The following PIGB variants were observed in gnomAD, a reference collection of about 807,000 sequenced individuals.
PIGB encodes GPI alpha-1,2-mannosyltransferase 3.
In PIGB, 58 loss-of-function variants were observed where a neutral mutation model predicts 68.4. The observed-to-expected ratio is 0.85, with a 90% CI of 0.69 to 1.06. The LOEUF (loss-of-function observed/expected upper bound fraction) is 1.06, where lower values mean the gene tolerates loss of function less well. PIGB is among the 50% of genes least tolerant of loss of function. The pLI is 0.00. For missense variants in PIGB, 634 were observed against 655.8 expected (o/e 0.97, Z 0.36); for synonymous variants, 219 against 220.5 (o/e 0.99, Z 0.06).
chr15:55,333,439 A>T (rs2055464575), intron 5 of PIGB, among the ~76,000 whole-genome samples: 1 of 151,786 alleles, frequency 6.6e-6, no homozygotes, highest in South Asian at 2.1e-4. Flanking sequence ...CCCACTAAAA[A>T]TACAAAAAAT....
chr15:55,329,221 T>C (rs931228194), intron 4 of PIGB, among the ~76,000 whole-genome samples: 19 of 152,244 alleles, frequency 1.2e-4, no homozygotes, highest in African/African-American at 4.6e-4. Flanking sequence ...TCCTGACTTT[T>C]TTTTCCTCTT....
intron 5 of PIGB, among the ~76,000 whole-genome samples, chr15:55,331,605 C>T (rs891554163): frequency 6.6e-6 from 1 of 151,884 alleles, no homozygotes; most frequent in East Asian, 1.9e-4. Context: ...CCCAGCTACT[C>T]GGGAGGATGA....
intron 5 of PIGB, among the ~76,000 whole-genome samples, chr15:55,331,707 G>A (rs2055419458): frequency 6.6e-6 from 1 of 151,208 alleles, no homozygotes; most frequent in Non-Finnish European, 1.5e-5. Flanking sequence ...GAGCAAAACT[G>A]TCTCAAAAAA....
intron 3 of PIGB, among the ~76,000 whole-genome samples, chr15:55,325,054 C>T (rs1471305288): frequency 2.0e-5 from 3 of 152,108 alleles, no homozygotes; most frequent in East Asian, 1.9e-4. Context: ...ACAGCCGGCG[C>T]GGTGGATCAC....
At chr15:55,322,313 C>T (rs1396785089) in intron 3 of PIGB, among the ~76,000 whole-genome samples, 1 of 152,178 alleles carries the variant, frequency 6.6e-6, no homozygotes, top group Non-Finnish European at 1.5e-5. Context: ...GAAATTAAAA[C>T]TTTAAAATTT....
intron 10 of PIGB, among the ~76,000 whole-genome samples, chr15:55,353,596 T>A (rs764385693): frequency 2.6e-5 from 4 of 152,150 alleles, no homozygotes; most frequent in African/African-American, 4.8e-5. Context: ...CCATCTTTTT[T>A]ATACTCTAAT....
chr15:55,333,736 A>C (rs2055474096), intron 5 of PIGB, 131 bp from the exon 6 acceptor site: 3 of 603,556 alleles, frequency 5.0e-6, no homozygotes, highest in Non-Finnish European at 8.0e-6. Flanking sequence ...TGTCTCAAAC[A>C]AAACAAAACA....
At chr15:55,344,800 C>G (rs2055751625) in intron 9 of PIGB, among the ~76,000 whole-genome samples, 1 of 151,550 alleles carries the variant, frequency 6.6e-6, no homozygotes, top group African/African-American at 2.4e-5. Flanking sequence ...ACTACTGATT[C>G]TGAGTTGAGT....
intron 3 of PIGB, 89 bp from the exon 4 acceptor site, chr15:55,327,442 T>C: frequency 1.3e-6 from 1 of 797,072 alleles, no homozygotes; most frequent in Non-Finnish European, 2.0e-6. Flanking sequence ...TTCCCATAGA[T>C]AGTTGGATCA....
At chr15:55,321,646 C>CTTTTTTTTT (rs966940527) in intron 3 of PIGB, among the ~76,000 whole-genome samples, 20 of 68,344 alleles carry the variant, frequency 2.9e-4, no homozygotes, top group South Asian at 6.1e-4. Flanking sequence ...ATACTTCTTT[C>CTTTTTTTTT]TTTTTTTTTT....
At chr15:55,353,766 G>A (rs563952504) in intron 10 of PIGB, among the ~76,000 whole-genome samples, 11 of 151,876 alleles carry the variant, frequency 7.2e-5, no homozygotes, top group Non-Finnish European at 1.0e-4. Flanking sequence ...CACCATGCCC[G>A]GCTAATTTTT....
intron 3 of PIGB, among the ~76,000 whole-genome samples, chr15:55,322,291 G>C (rs2055186850): frequency 6.6e-6 from 1 of 152,102 alleles, no homozygotes; most frequent in African/African-American, 2.4e-5. Flanking sequence ...AACCCACTGA[G>C]GATTTAGTGT....
chr15:55,349,279 C>G (rs1042557308), intron 9 of PIGB, among the ~76,000 whole-genome samples: 1 of 152,082 alleles, frequency 6.6e-6, no homozygotes, highest in African/African-American at 2.4e-5. Context: ...AACTCATGAG[C>G]ACAGGTGAAC....
intron 1 of PIGB, 81 bp downstream of exon 1, chr15:55,319,494 C>T (rs1448093741): frequency 3.7e-6 from 4 of 1,067,692 alleles, no homozygotes; most frequent in African/African-American, 3.2e-5. Flanking sequence ...GCCAGTTGCC[C>T]GTTGAGCTCT....
At chr15:55,341,640 A>G (rs1167565631) in intron 8 of PIGB, 98 bp from the exon 9 acceptor site, 1 of 402,640 alleles carries the variant, frequency 2.5e-6, no homozygotes, top group East Asian at 5.1e-5. Context: ...AAATAAATAG[A>G]TCAAGTTAAA....
intron 7 of PIGB, chr15:55,340,411 G>C (rs1015012656): frequency 3.5e-6 from 1 of 286,052 alleles, no homozygotes. Flanking sequence ...AGCCGAGATC[G>C]CGCCACTGCA....
chr15:55,345,510 G>A (rs1283632530), intron 9 of PIGB, among the ~76,000 whole-genome samples: 1 of 152,180 alleles, frequency 6.6e-6, no homozygotes, highest in Non-Finnish European at 1.5e-5. Flanking sequence ...TGTAATCCTA[G>A]CACTTTGGGA....
Position 55,319,358 on chromosome 15 carries a change from G to C in PIGB, c.108G>C (p.Lys36Asn), listed in dbSNP as rs762660494. Residue 36 changes from lysine to asparagine, a missense_variant, in exon 1 of 12, where the codon AAG becomes AAC. Physicochemically the swap from Lys to Asn is moderately conservative, Grantham distance 94 (BLOSUM62 0). Transcript: ENST00000164305. Reference sequence around the variant, plus strand: ...CCCACGGCAAGATAAAGCTGCGAAAGAGAAAGTCTACCTTGTACTTCAACA... The same window carrying C: ...CCCACGGCAAGATAAAGCTGCGAAACAGAAAGTCTACCTTGTACTTCAACA... ...NRSHGKIKLR[K>N]RKSTLYFNTQ... The C allele has an allele frequency of 6.4e-7, 1 of 1,562,814 alleles. No homozygotes were observed. The highest frequency in any genetic ancestry group is 1.2e-5 in the South Asian group (1 of 84,844).
chr15:55,348,298 T>C (rs2055847661), intron 9 of PIGB: 1 of 152,224 alleles, frequency 6.6e-6, no homozygotes, highest in Non-Finnish European at 1.5e-5. Flanking sequence ...AATGAACAAA[T>C]TATTAATAAG....
Sources: gnomAD v4.1 joint callset for allele counts (sites outside exome capture counted in the v4.1 genomes callset) on GRCh38, gnomAD v4.1.1 for gene constraint, MANE v1.5 for transcripts, NCBI Gene and HGNC (gene_info 2026-07-23, HGNC 2026-07-21) for gene names.